Variants in GLTP observed in about 807,000 individuals in gnomAD.
GLTP encodes the protein glycolipid transfer protein.
Under a neutral mutation model 24.0 loss-of-function variants are expected in GLTP, and 22 were observed. That is an observed-to-expected ratio of 0.92 (90% CI 0.65 to 1.31). The LOEUF (loss-of-function observed/expected upper bound fraction) is 1.31. Among genes scored for constraint, GLTP ranks in the 50% most tolerant of loss-of-function variants. GLTP has a pLI of 0.00. For synonymous variants in GLTP, 92 were observed against 115.9 expected, an observed-to-expected ratio of 0.79 and a Z score of 1.33; for missense variants, 224 against 276.6, an observed-to-expected ratio of 0.81 and a Z score of 1.35.
At chr12:109,878,621 A>T (rs1868959235) in intron 1 of GLTP, among the ~76,000 whole-genome samples, 1 of 152,056 alleles carries the variant, frequency 6.6e-6, no homozygotes, top group East Asian at 1.9e-4. Context: ...AAACAACAAC[A>T]ACCAACAACA....
At chr12:109,869,551 G>A (rs1868653976) in intron 1 of GLTP, among the ~76,000 whole-genome samples, 1 of 149,198 alleles carries the variant, frequency 6.7e-6, no homozygotes, top group African/African-American at 2.5e-5. Flanking sequence ...CAACTTCCAG[G>A]TTCAAGCGAT....
At chr12:109,859,515 T>A (rs1237420525) in intron 1 of GLTP, among the ~76,000 whole-genome samples, 1 of 122,310 alleles carries the variant, frequency 8.2e-6, no homozygotes, top group African/African-American at 3.1e-5. Context: ...CGAGACTCTG[T>A]CTCAAAAAAT....
At position 109,851,501 on chromosome 12, in the gene GLTP, A is replaced by G. The variant is rs1367516023; in HGVS notation, c.*1054T>C. The G allele has an allele frequency of 6.6e-6, 1 of 152,238 alleles. No homozygotes were observed. 9.4% of individuals were successfully genotyped at this position (152,238 alleles called of 1,614,324 possible). A position where few individuals can be genotyped will look rare whatever the true frequency, so the allele number is the denominator to read the frequency against. On this transcript the variant is annotated 3_prime_UTR_variant, in exon 5 of 5. Transcript: ENST00000318348. ...AGAATACACACCAGTTTGCTTTTTA[A>G]AAAATCCCACATAGGGGCCCTGCAT...
At chr12:109,879,724 G>C (rs1192866110) in intron 1 of GLTP, among the ~76,000 whole-genome samples, 1 of 152,140 alleles carries the variant, frequency 6.6e-6, no homozygotes, top group Non-Finnish European at 1.5e-5. Context: ...CCCTTGGAGG[G>C]GGAGATGGGA....
At chr12:109,869,456 C>CTTT (rs1218490016) in intron 1 of GLTP, among the ~76,000 whole-genome samples, 32 of 115,032 alleles carry the variant, frequency 2.8e-4, no homozygotes, top group Non-Finnish European at 3.6e-4. Flanking sequence ...TGGGAAAATT[C>CTTT]TTTTTTTTTT....
chr12:109,876,594 G>C (rs1442116331), intron 1 of GLTP, among the ~76,000 whole-genome samples: 14 of 135,456 alleles, frequency 1.0e-4, no homozygotes, highest in Non-Finnish European at 2.0e-4. Flanking sequence ...GGGAGGAAGA[G>C]AGGAAGGGAA....
At position 109,880,242 on chromosome 12, in the gene GLTP, G is replaced by C. The variant is rs746593825; in HGVS notation, c.103+30C>G. On this transcript the variant is annotated intron_variant, in intron 1 of 4. Coordinates refer to ENST00000318348, the MANE Select transcript of GLTP (RefSeq NM_016433.4). This position sits in a 1 kb window ranked among gnomAD's most constrained non-coding sequence, Gnocchi z 5.1. Reference sequence around the variant, plus strand: ...AGGATTCGGGTGCGCGTGGGGCTGCGGGCCGCCTCCCCCCTCCATTCCGGC... The same window carrying C: ...AGGATTCGGGTGCGCGTGGGGCTGCCGGCCGCCTCCCCCCTCCATTCCGGC... 7.3e-7 allele frequency: 1 copy of C among 1,361,260 alleles called. No individual in the cohort carries two copies. Among genetic ancestry groups the C allele is most frequent in the Admixed American group, 1.7e-5 (1 of 57,560 alleles). 84.3% of individuals were successfully genotyped at this position (1,361,260 alleles called of 1,614,324 possible).
intron 1 of GLTP, among the ~76,000 whole-genome samples, chr12:109,859,369 A>C (rs1892842743): frequency 6.6e-6 from 1 of 152,208 alleles, no homozygotes; most frequent in Non-Finnish European, 1.5e-5. Context: ...ATATACAAAA[A>C]TTAGCTGGGC....
In GLTP at chr12:109,880,450, A is replaced by T; in HGVS notation, c.-76T>A. 3.5e-6 allele frequency: 2 copies of T among 566,050 alleles called. No individual in the cohort carries two copies. The highest frequency in any genetic ancestry group is 5.1e-6 in the Non-Finnish European group (2 of 393,212). The allele number at this position is 566,050 out of a possible 1,614,324, so 35.1% of individuals were successfully genotyped here. On this transcript the variant is annotated 5_prime_UTR_variant, in exon 1 of 5. Transcript: ENST00000318348. This position sits in a 1 kb window ranked among gnomAD's most constrained non-coding sequence, Gnocchi z 5.1. ...CACCGCCCCCCCGGCCGCCGCCGTC[A>T]GCGCCGGGGCCGTCACAGCCGCCCG...
At chr12:109,854,887 C>T (rs1281529350) in intron 4 of GLTP, among the ~76,000 whole-genome samples, 1 of 152,216 alleles carries the variant, frequency 6.6e-6, no homozygotes, top group African/African-American at 2.4e-5. Flanking sequence ...GCAGACTGTA[C>T]CCCACAGGAA....
rs1892782977 is a variant in GLTP at position 109,855,522 on chromosome 12, C to T, written c.447+97G>A. The T allele has an allele frequency of 3.5e-6, 4 of 1,130,908 alleles. No homozygotes were observed. Among genetic ancestry groups the T allele is most frequent in the African/African-American group, 1.6e-5 (1 of 63,666 alleles). The allele number at this position is 1,130,908 out of a possible 1,614,324, so 70.1% of individuals were successfully genotyped here. A position where few individuals can be genotyped will look rare whatever the true frequency, so the allele number is the denominator to read the frequency against. On this transcript the variant is annotated intron_variant, in intron 4 of 4. Coordinates refer to ENST00000318348, the MANE Select transcript of GLTP (RefSeq NM_016433.4). The surrounding 1 kb of genome is among the most constrained non-coding windows in gnomAD (Gnocchi z 4.1). ...CTTCCTGAGCCCGAGGGGGTAAACACAGCCTCACAGGCCAGGAGGCCTCGG... is the reference window on the plus strand; with the variant it reads ...CTTCCTGAGCCCGAGGGGGTAAACATAGCCTCACAGGCCAGGAGGCCTCGG...
intron 1 of GLTP, among the ~76,000 whole-genome samples, chr12:109,863,383 T>C (rs1868423940): frequency 6.6e-6 from 1 of 152,234 alleles, no homozygotes; most frequent in Non-Finnish European, 1.5e-5. Context: ...ACCAACAATC[T>C]TGCCACCAGA....
At chr12:109,856,828 G>A (rs1892803286) in intron 3 of GLTP, among the ~76,000 whole-genome samples, 1 of 152,188 alleles carries the variant, frequency 6.6e-6, no homozygotes, top group African/African-American at 2.4e-5. Context: ...TTGAGGCCAG[G>A]AGTTTGAGAC....
At chr12:109,865,610 A>G (rs1245383369) in intron 1 of GLTP, among the ~76,000 whole-genome samples, 1 of 152,094 alleles carries the variant, frequency 6.6e-6, no homozygotes, top group Non-Finnish European at 1.5e-5. Context: ...TGAAAAAAAA[A>G]AAAAATAGAG....
chr12:109,876,703 GAC>G (rs947310640), intron 1 of GLTP, among the ~76,000 whole-genome samples: 128 of 152,084 alleles, frequency 8.4e-4, no homozygotes, highest in African/African-American at 2.8e-3. Flanking sequence ...GAAAAGGAAA[GAC>G]AGAAAAGGAC....
At chr12:109,854,883 T>C (rs1892775873) in intron 4 of GLTP, among the ~76,000 whole-genome samples, 1 of 152,234 alleles carries the variant, frequency 6.6e-6, no homozygotes, top group South Asian at 2.1e-4. Context: ...GCTTGCAGAC[T>C]GTACCCCACA....
chr12:109,880,422 C>G lies in GLTP; in HGVS notation c.-48G>C, dbSNP rs1869044576. ...ATGCCCCAGCCGGCGCCGCGGGCGT[C>G]GACACCGCCCCCCCGGCCGCCGCCG... On this transcript the variant is annotated 5_prime_UTR_variant, in exon 1 of 5. Transcript: ENST00000318348. The surrounding 1 kb of genome is among the most constrained non-coding windows in gnomAD (Gnocchi z 5.1). The G allele has an allele frequency of 2.3e-6, 2 of 875,828 alleles. No individual in the cohort carries two copies. The highest frequency in any genetic ancestry group is 7.3e-5 in the East Asian group (2 of 27,340). 54.3% of individuals were successfully genotyped at this position (875,828 alleles called of 1,614,324 possible). A position where few individuals can be genotyped will look rare whatever the true frequency, so the allele number is the denominator to read the frequency against.
At chr12:109,877,498 A>G (rs936042523) in intron 1 of GLTP, among the ~76,000 whole-genome samples, 3 of 152,126 alleles carry the variant, frequency 2.0e-5, no homozygotes. Context: ...GGTTGTCACA[A>G]TCTGGGGAGG....
At chr12:109,873,737 AG>A (rs1868800975) in intron 1 of GLTP, among the ~76,000 whole-genome samples, 1 of 151,486 alleles carries the variant, frequency 6.6e-6, no homozygotes, top group South Asian at 2.1e-4. Flanking sequence ...TGAGCCCAGG[AG>A]CTGGAGGCTG....
Sources: allele counts gnomAD v4.1 joint callset (sites outside exome capture counted in the v4.1 genomes callset), GRCh38; gene constraint gnomAD v4.1.1; non-coding constraint Gnocchi (gnomAD v3.1); transcripts MANE v1.5; gene names NCBI Gene and HGNC (gene_info 2026-07-23, HGNC 2026-07-21).